Variants in KLF12 observed in about 807,000 individuals in gnomAD.
KLF12 encodes the protein Krueppel-like factor 12.
KLF12 carries 9 observed loss-of-function variants against 37.8 expected under a neutral mutation model. The observed-to-expected ratio is 0.24, with a 90% CI of 0.14 to 0.42. KLF12 has a LOEUF of 0.42. KLF12 is among the 10% of genes least tolerant of loss of function. The pLI is 1.00. For synonymous variants in KLF12, 208 were observed against 202.1 expected (o/e 1.03, Z -0.25); for missense variants, 411 against 516.0 (o/e 0.80, Z 1.97).
chr13:73,789,927 C>T (rs1244539888), intron 5 of KLF12, among the ~76,000 whole-genome samples: 6 of 152,198 alleles, frequency 3.9e-5, no homozygotes, highest in East Asian at 1.9e-4. Context: ...CCGCCCACCT[C>T]GGCCTCCCAA....
intron 3 of KLF12, among the ~76,000 whole-genome samples, chr13:73,920,872 T>C (rs1403825383): frequency 6.6e-6 from 1 of 152,122 alleles, no homozygotes. Context: ...CTGCTCCCAC[T>C]ACCAGGCTCT....
At chr13:73,851,495 G>A (rs906096533) in intron 3 of KLF12, among the ~76,000 whole-genome samples, 6 of 152,102 alleles carry the variant, frequency 3.9e-5, no homozygotes, top group Admixed American at 1.3e-4. Context: ...AACAGTTGAT[G>A]GAATACATTT....
At chr13:74,164,909 G>C in the KLF12 span, among the ~76,000 whole-genome samples, 2 of 152,140 alleles carry the variant, frequency 1.3e-5, no homozygotes, top group Admixed American at 6.5e-5. Flanking sequence ...CCAGAGGCTG[G>C]GGAGGGTAGT....
chr13:74,228,368 G>A, the KLF12 span, among the ~76,000 whole-genome samples: 2 of 151,978 alleles, frequency 1.3e-5, no homozygotes, highest in Non-Finnish European at 2.9e-5. Flanking sequence ...GACATGTTAG[G>A]TTTTAAAATA....
At chr13:74,029,571 A>G (rs1893064940) in intron 1 of KLF12, among the ~76,000 whole-genome samples, 1 of 152,032 alleles carries the variant, frequency 6.6e-6, no homozygotes, top group Non-Finnish European at 1.5e-5. Flanking sequence ...GTCACCAGTG[A>G]TTTCTAAGGT....
the KLF12 span, among the ~76,000 whole-genome samples, chr13:74,215,473 C>G: frequency 8.7e-5 from 12 of 137,542 alleles, no homozygotes; most frequent in Non-Finnish European, 1.7e-4. Context: ...AAAGCTGAGC[C>G]AAGTAGTTTG....
At chr13:73,848,995 G>A (rs1245018333) in intron 3 of KLF12, among the ~76,000 whole-genome samples, 1 of 152,098 alleles carries the variant, frequency 6.6e-6, no homozygotes, top group Non-Finnish European at 1.5e-5. Context: ...TATCCTGACA[G>A]CCGACACTAA....
chr13:73,990,401 A>C (rs1891935642), intron 2 of KLF12, among the ~76,000 whole-genome samples: 1 of 152,088 alleles, frequency 6.6e-6, no homozygotes, highest in Non-Finnish European at 1.5e-5. Flanking sequence ...AAACAAAACA[A>C]GAACAAGTGA....
At chr13:73,947,862 CCCT>C (rs1484455716) in intron 2 of KLF12, among the ~76,000 whole-genome samples, 1 of 152,026 alleles carries the variant, frequency 6.6e-6, no homozygotes, top group Non-Finnish European at 1.5e-5. Flanking sequence ...CTACAATGTG[CCCT>C]CCTAACCTCC....
At chr13:74,021,470 A>G (rs564987944) in intron 1 of KLF12, among the ~76,000 whole-genome samples, 1 of 152,296 alleles carries the variant, frequency 6.6e-6, no homozygotes, top group African/African-American at 2.4e-5. Context: ...GGGATTCTGT[A>G]AAATGACTGC....
At chr13:73,861,508 C>T (rs1885924512) in intron 3 of KLF12, among the ~76,000 whole-genome samples, 1 of 152,206 alleles carries the variant, frequency 6.6e-6, no homozygotes, top group East Asian at 1.9e-4. Flanking sequence ...GTAATGTGTC[C>T]CCCAGGGGAC....
rs1873519761 is a variant in KLF12 at position 73,686,770 on chromosome 13, G to A, written c.*8720C>T. The A allele has an allele frequency of 6.6e-6, 1 of 152,170 alleles. No homozygotes were observed. The highest frequency in any genetic ancestry group is 1.5e-5 in the Non-Finnish European group (1 of 68,028). 9.4% of individuals were successfully genotyped at this position (152,170 alleles called of 1,614,324 possible). A position where few individuals can be genotyped will look rare whatever the true frequency, so the allele number is the denominator to read the frequency against. On this transcript the variant is annotated 3_prime_UTR_variant, in exon 8 of 8. Transcript: ENST00000377669. ...GCCCATCTATTCAATTTGCTGTTCA[G>A]AGGCTTCAAGCCTAGAATAACTGTT...
At chr13:73,890,517 A>G (rs1887453528) in intron 3 of KLF12, among the ~76,000 whole-genome samples, 1 of 152,144 alleles carries the variant, frequency 6.6e-6, no homozygotes, top group South Asian at 2.1e-4. Context: ...ATTGGGGGAA[A>G]TCATTTTAAT....
chr13:74,054,983 C>G (rs1873162833), intron 1 of KLF12, among the ~76,000 whole-genome samples: 1 of 152,162 alleles, frequency 6.6e-6, no homozygotes, highest in Non-Finnish European at 1.5e-5. Flanking sequence ...GCATCACACA[C>G]ATCAGAACAT....
chr13:73,842,013 C>T (rs1263970821), intron 4 of KLF12, among the ~76,000 whole-genome samples: 1 of 152,170 alleles, frequency 6.6e-6, no homozygotes, highest in Non-Finnish European at 1.5e-5. Flanking sequence ...TGCTAGCTGA[C>T]AACCTGCCAT....
chr13:73,734,310 C>A (rs2137828517), intron 6 of KLF12, among the ~76,000 whole-genome samples: 2 of 152,176 alleles, frequency 1.3e-5, no homozygotes, highest in Middle Eastern at 3.4e-3. Context: ...GCTTCATATA[C>A]CTTATCATTC....
intron 1 of KLF12, among the ~76,000 whole-genome samples, chr13:74,092,551 G>A (rs1875735715): frequency 6.6e-6 from 1 of 151,824 alleles, no homozygotes; most frequent in African/African-American, 2.4e-5. Context: ...TTGAATCCTG[G>A]AGGCAGAGGT....
At chr13:74,261,875 T>C in the KLF12 span, among the ~76,000 whole-genome samples, 2 of 152,210 alleles carry the variant, frequency 1.3e-5, no homozygotes, top group African/African-American at 4.8e-5. Flanking sequence ...TGTTCTTGTA[T>C]GCTGTTAGCC....
chr13:74,191,483 G>C, the KLF12 span, among the ~76,000 whole-genome samples: 2 of 152,184 alleles, frequency 1.3e-5, no homozygotes, highest in Admixed American at 6.5e-5. Context: ...CCTAGAAGGA[G>C]CTCATTTTCC....
Sources: allele counts gnomAD v4.1 joint callset (sites outside exome capture counted in the v4.1 genomes callset), GRCh38; gene constraint gnomAD v4.1.1; transcripts MANE v1.5; gene names NCBI Gene and HGNC (gene_info 2026-07-23, HGNC 2026-07-21).